Variants in SLC38A8 observed in about 807,000 individuals in gnomAD.
SLC38A8 encodes amino acid transporter SLC38A8.
A neutral mutation model predicts 46.0 loss-of-function variants in SLC38A8; 65 were observed. The observed-to-expected ratio is 1.41, with a 90% confidence interval of 1.16 to 1.74. The LOEUF is 1.74. SLC38A8 is among the 40% of genes most tolerant of loss of function. SLC38A8 has a pLI of 0.00. For synonymous variants in SLC38A8, 447 were observed against 243.7 expected (o/e 1.83, Z -7.77); for missense variants, 998 against 567.9 (o/e 1.76, Z -7.70).
At chr16:84,041,019 C>A (rs935468193) in intron 2 of SLC38A8, 1 of 152,244 alleles carries the variant, frequency 6.6e-6, no homozygotes, top group Admixed American at 6.5e-5. Context: ...AGCCATTATC[C>A]ACCAGCTGCC....
chr16:84,034,532 G>A (rs1029981634), intron 3 of SLC38A8, among the ~76,000 whole-genome samples: 6 of 152,210 alleles, frequency 3.9e-5, no homozygotes, highest in Non-Finnish European at 7.3e-5. Context: ...CACTGGAGAT[G>A]GGAGGCCGAG....
At chr16:84,025,864 T>C (rs757142840) in intron 6 of SLC38A8, among the ~76,000 whole-genome samples, 1 of 152,230 alleles carries the variant, frequency 6.6e-6, no homozygotes, top group Non-Finnish European at 1.5e-5. Flanking sequence ...CCCTGCTCTC[T>C]GGCCCCAGGT....
intron 6 of SLC38A8, among the ~76,000 whole-genome samples, chr16:84,027,309 C>A (rs145322776): frequency 0.013 from 2,015 of 151,708 alleles, 49 homozygotes; most frequent in African/African-American, 0.047. Context: ...AAGATCACAC[C>A]ACTGCACTCC....
intron 6 of SLC38A8, among the ~76,000 whole-genome samples, chr16:84,025,778 G>A (rs1054256362): frequency 6.6e-6 from 1 of 152,352 alleles, no homozygotes; most frequent in South Asian, 2.1e-4. Flanking sequence ...AGGGCACAGT[G>A]GCCTCCTCCC....
intron 7 of SLC38A8, among the ~76,000 whole-genome samples, chr16:84,021,799 A>G (rs2085099184): frequency 6.6e-6 from 1 of 152,236 alleles, no homozygotes; most frequent in Admixed American, 6.5e-5. Context: ...AAATTTTTTT[A>G]CAGTTATGGA....
chr16:84,032,974 G>A (rs2085262077), intron 4 of SLC38A8, among the ~76,000 whole-genome samples: 2 of 147,308 alleles, frequency 1.4e-5, no homozygotes, highest in South Asian at 2.2e-4. Context: ...GTGCATGGGG[G>A]GGTGTGGGTA....
intron 4 of SLC38A8, among the ~76,000 whole-genome samples, chr16:84,032,616 T>A (rs1176024005): frequency 6.6e-6 from 1 of 152,190 alleles, no homozygotes; most frequent in Non-Finnish European, 1.5e-5. Flanking sequence ...TCGCTCACAC[T>A]TGAGAGGGGA....
chr16:84,012,946 T>C (rs1597247234), intron 10 of SLC38A8, 55 bp downstream of exon 10: 1 of 1,589,772 alleles, frequency 6.3e-7, no homozygotes, highest in Non-Finnish European at 8.6e-7. Flanking sequence ...CCTGAAACAT[T>C]CTTACTCTGA....
rs371326803 is a variant in SLC38A8 at position 84,016,549 on chromosome 16, T to C, written c.1132A>G (p.Ile378Val). The C allele has an allele frequency of 3.1e-6, 5 of 1,613,968 alleles. No individual in the cohort carries two copies. The highest frequency in any genetic ancestry group is 2.7e-5 in the African/African-American group (2 of 74,940). The change falls in exon 9 of 11, where the codon ATC (isoleucine) becomes GTC (valine). Residue 378 changes from isoleucine to valine, a missense_variant. Transcript: ENST00000299709. ...AAGATGAAGATGAAGAAGGAACTGA[T>C]GCCTCCGATGATGCTGACGATCTCG... The part of the protein sequence containing the change: ...LSEIVSIIGG[I>V]SSFFIFIFPG...
At chr16:84,018,627 G>T (rs1450082411) in intron 7 of SLC38A8, among the ~76,000 whole-genome samples, 2 of 152,118 alleles carry the variant, frequency 1.3e-5, no homozygotes, top group East Asian at 1.9e-4. Flanking sequence ...TCTTATGTGG[G>T]CTGTTCAGCT....
chr16:84,027,129 A>G (rs923174339), intron 6 of SLC38A8, among the ~76,000 whole-genome samples: 1 of 152,176 alleles, frequency 6.6e-6, no homozygotes, highest in Non-Finnish European at 1.5e-5. Flanking sequence ...AGGTGGGCAG[A>G]TCAAAAGGTT....
At chr16:84,024,201 A>G (rs552703237) in intron 6 of SLC38A8, among the ~76,000 whole-genome samples, 2 of 152,316 alleles carry the variant, frequency 1.3e-5, no homozygotes, top group South Asian at 4.1e-4. Flanking sequence ...CTGTGGTGCT[A>G]GAAGGCAGGA....
chr16:84,014,256 A>C (rs1171880518), intron 9 of SLC38A8, among the ~76,000 whole-genome samples: 2 of 150,082 alleles, frequency 1.3e-5, no homozygotes, highest in African/African-American at 4.9e-5. Flanking sequence ...CCGAGGGAGA[A>C]GCCACAAGGC....
chr16:84,035,726 T>C (rs1408853399), intron 3 of SLC38A8, among the ~76,000 whole-genome samples: 1 of 152,242 alleles, frequency 6.6e-6, no homozygotes, highest in Non-Finnish European at 1.5e-5. Flanking sequence ...AGAAGACAGA[T>C]TTAATGCCAG....
intron 4 of SLC38A8, 105 bp from the exon 5 acceptor site, chr16:84,032,073 G>A (rs906644605): frequency 1.0e-6 from 1 of 981,300 alleles, no homozygotes; most frequent in African/African-American, 1.6e-5. Context: ...TGACAATGAG[G>A]TGCTGGCCAA....
intron 2 of SLC38A8, among the ~76,000 whole-genome samples, chr16:84,038,243 G>A (rs570092245): frequency 2.8e-4 from 43 of 151,942 alleles, no homozygotes; most frequent in Non-Finnish European, 5.3e-4. Context: ...CCCAAGAGGC[G>A]GAAGTTGCAG....
intron 9 of SLC38A8, 108 bp downstream of exon 9, chr16:84,016,411 A>G: frequency 2.3e-6 from 3 of 1,313,924 alleles, no homozygotes; most frequent in Non-Finnish European, 2.1e-6. Context: ...AATCCTACCC[A>G]TATGTGGCTC....
intron 2 of SLC38A8, 137 bp from the exon 3 acceptor site, chr16:84,037,037 G>A (rs1026679409): frequency 2.4e-6 from 2 of 843,956 alleles, no homozygotes; most frequent in South Asian, 1.6e-5. Context: ...GGGGTTGGCA[G>A]TCTACCAGCT....
chr16:84,019,683 A>G (rs932004832), intron 7 of SLC38A8, among the ~76,000 whole-genome samples: 1 of 152,220 alleles, frequency 6.6e-6, no homozygotes, highest in Non-Finnish European at 1.5e-5. Context: ...CTCCAGCACC[A>G]ACTCAGAGGT....
Sources: allele counts gnomAD v4.1 joint callset (sites outside exome capture counted in the v4.1 genomes callset), GRCh38; gene constraint gnomAD v4.1.1; transcripts MANE v1.5; gene names NCBI Gene and HGNC (gene_info 2026-07-23, HGNC 2026-07-21).